Variants in IGF2BP2 observed in about 807,000 individuals in gnomAD.
The protein encoded by IGF2BP2 is insulin-like growth factor 2 mRNA-binding protein 2.
IGF2BP2 carries 17 observed loss-of-function variants against 75.8 expected under a neutral mutation model. The ratio of observed to expected loss-of-function variants is 0.22; its 90% confidence interval spans 0.15 to 0.34. The LOEUF (loss-of-function observed/expected upper bound fraction) is 0.34. Ranked by LOEUF, IGF2BP2 falls within the 10% of genes least tolerant of loss-of-function variation. The probability of loss-of-function intolerance (pLI) is 1.00; values close to 1 mark genes in which losing one functional copy is unlikely to be tolerated. For synonymous variants in IGF2BP2, 288 were observed against 295.6 expected (o/e 0.97, Z 0.26); for missense variants, 516 against 772.4 (o/e 0.67, Z 3.93).
chr3:185,710,614 T>C (rs1724669305), intron 2 of IGF2BP2, among the ~76,000 whole-genome samples: 1 of 152,020 alleles, frequency 6.6e-6, no homozygotes, highest in Non-Finnish European at 1.5e-5. Context: ...GCGCCTGTAG[T>C]CCCAGCTACT....
chr3:185,766,300 A>T (rs1733047340), intron 2 of IGF2BP2, among the ~76,000 whole-genome samples: 1 of 152,190 alleles, frequency 6.6e-6, no homozygotes, highest in African/African-American at 2.4e-5. Flanking sequence ...TTTAAATTTA[A>T]ATTTAAATAC....
intron 7 of IGF2BP2, 48 bp downstream of exon 7, chr3:185,687,009 C>G (rs770284953): frequency 1.3e-6 from 2 of 1,590,564 alleles, no homozygotes; most frequent in Non-Finnish European, 1.7e-6. Context: ...GAGGGAGAAT[C>G]TACTCTTTTT....
At chr3:185,657,440 C>A (rs749619369) in intron 11 of IGF2BP2, 38 bp from the exon 12 acceptor site, 5 of 1,504,384 alleles carry the variant, frequency 3.3e-6, no homozygotes, top group Non-Finnish European at 4.6e-6. Context: ...ATCATTCCAA[C>A]CAGGCTTTCT....
rs1263788761 is a variant in IGF2BP2, at chr3:185,652,716, C to G, written c.1387-548G>C. 2.0e-5 allele frequency among the ~76,000 whole-genome samples: 3 copies of G among 152,208 alleles called. No individual in the cohort carries two copies. The East Asian group carries it at 5.8e-4, about 29-fold the overall frequency. On this transcript the variant is annotated intron_variant, in intron 12 of 15. Transcript: ENST00000382199. The stretch of plus-strand genomic sequence containing the variant: ...GGCAAGTGGGTCATAAGTAAAACAG[C>G]AGCAGAGCAGAAATGGAGGCACGTT...
chr3:185,691,062 G>C (rs183475562), intron 5 of IGF2BP2, among the ~76,000 whole-genome samples: 4 of 152,174 alleles, frequency 2.6e-5, no homozygotes, highest in Admixed American at 2.6e-4. Context: ...ATGTGTACAA[G>C]GTAAAGTTAA....
At chr3:185,756,395 A>C (rs1264846367) in intron 2 of IGF2BP2, among the ~76,000 whole-genome samples, 1 of 152,208 alleles carries the variant, frequency 6.6e-6, no homozygotes, top group Non-Finnish European at 1.5e-5. Flanking sequence ...TTATAGCAAT[A>C]CAAAAACAGA....
At chr3:185,670,612 AG>A (rs1227704326) in intron 10 of IGF2BP2, among the ~76,000 whole-genome samples, 1 of 152,200 alleles carries the variant, frequency 6.6e-6, no homozygotes, top group African/African-American at 2.4e-5. Context: ...TCTGTTGCCC[AG>A]GCTGGAGTGC....
At position 185,787,795 on chromosome 3, in the gene IGF2BP2, G is replaced by A. The variant is rs143534079; in HGVS notation, c.239+35358C>T. Among the ~76,000 whole-genome samples, 181 of 152,128 alleles carry A rather than the reference G, an allele frequency of 1.2e-3. 2 individuals carry two copies. Among genetic ancestry groups the A allele is most frequent in the African/African-American group, 3.9e-3 (161 of 41,508 alleles). ...AAGTGGAGTGCTGAGATGGGAAGCTGTAAAGACTGAGCTCTTAGCCAGGAT... is the reference window on the plus strand; with the variant it reads ...AAGTGGAGTGCTGAGATGGGAAGCTATAAAGACTGAGCTCTTAGCCAGGAT... On this transcript the variant is annotated intron_variant, in intron 2 of 15. Coordinates refer to ENST00000382199, the MANE Select transcript of IGF2BP2 (RefSeq NM_006548.6).
chr3:185,814,865 G>A (rs1740396740), intron 2 of IGF2BP2, among the ~76,000 whole-genome samples: 3 of 152,088 alleles, frequency 2.0e-5, no homozygotes, highest in Admixed American at 1.3e-4. Context: ...GTGTCAAAGA[G>A]GTTTAAAATG....
intron 2 of IGF2BP2, among the ~76,000 whole-genome samples, chr3:185,800,343 G>C (rs1453951060): frequency 6.6e-6 from 1 of 152,002 alleles, no homozygotes. Flanking sequence ...AAGTTGATGG[G>C]TTCAGCAAAC....
intron 2 of IGF2BP2, chr3:185,716,683 T>C (rs773081018): frequency 9.6e-6 from 5 of 520,102 alleles, no homozygotes; most frequent in South Asian, 5.6e-5. Context: ...AAGGAGAGTG[T>C]ATTTACTCAG....
chr3:185,746,015 T>G (rs1730209115), intron 2 of IGF2BP2, among the ~76,000 whole-genome samples: 1 of 152,184 alleles, frequency 6.6e-6, no homozygotes, highest in African/African-American at 2.4e-5. Flanking sequence ...AAGACAACCT[T>G]TCTTCAGATA....
intron 10 of IGF2BP2, among the ~76,000 whole-genome samples, chr3:185,667,938 T>C (rs1443232679): frequency 2.6e-5 from 4 of 152,366 alleles, no homozygotes; most frequent in Non-Finnish European, 4.4e-5. Flanking sequence ...AATTAAGACA[T>C]GGATATTGTT....
At chr3:185,751,177 C>T (rs1310110234) in intron 2 of IGF2BP2, among the ~76,000 whole-genome samples, 2 of 152,194 alleles carry the variant, frequency 1.3e-5, no homozygotes, top group Non-Finnish European at 2.9e-5. Flanking sequence ...TGCGCCACTG[C>T]CTCCGGCCAA....
chr3:185,674,462 T>C (rs1261992987), intron 9 of IGF2BP2, among the ~76,000 whole-genome samples: 1 of 152,220 alleles, frequency 6.6e-6, no homozygotes, highest in Non-Finnish European at 1.5e-5. Context: ...TTTGTTTGTT[T>C]GTTTTTTGAA....
At chr3:185,739,139 C>T (rs192576799) in intron 2 of IGF2BP2, among the ~76,000 whole-genome samples, 1 of 152,126 alleles carries the variant, frequency 6.6e-6, no homozygotes, top group Admixed American at 6.5e-5. Flanking sequence ...GATTTAGCAG[C>T]GTTCTGAAAA....
chr3:185,654,813 G>A (rs1715167540), intron 12 of IGF2BP2, among the ~76,000 whole-genome samples: 1 of 152,188 alleles, frequency 6.6e-6, no homozygotes, highest in Admixed American at 6.5e-5. Flanking sequence ...TGCAGCATCT[G>A]GAAGCCTGTT....
At chr3:185,767,703 C>A (rs1487901672) in intron 2 of IGF2BP2, 2 of 153,954 alleles carry the variant, frequency 1.3e-5, no homozygotes, top group African/African-American at 4.8e-5. Flanking sequence ...AATAAGGCTG[C>A]TGAAATGAGG....
chr3:185,800,471 G>A (rs543868106), intron 2 of IGF2BP2, among the ~76,000 whole-genome samples: 5 of 152,206 alleles, frequency 3.3e-5, no homozygotes, highest in Non-Finnish European at 5.9e-5. Context: ...TGATGTCGTG[G>A]CTCACACCTG....
Sources: gnomAD v4.1 joint callset for allele counts (sites outside exome capture counted in the v4.1 genomes callset) on GRCh38, gnomAD v4.1.1 for gene constraint, MANE v1.5 for transcripts, NCBI Gene and HGNC (gene_info 2026-07-23, HGNC 2026-07-21) for gene names.